The following RBPJ variants were observed in gnomAD, a reference collection of about 807,000 sequenced individuals.
RBPJ encodes the protein recombining binding protein suppressor of hairless.
A neutral mutation model predicts 67.8 loss-of-function variants in RBPJ; 9 were observed. That is an observed-to-expected ratio of 0.13 (90% CI 0.08 to 0.23). RBPJ has a LOEUF of 0.23. Ranked by LOEUF, RBPJ falls within the 10% of genes least tolerant of loss-of-function variation. The pLI, the probability that RBPJ is intolerant of heterozygous loss-of-function variation, is 1.00. For missense variants in RBPJ, 305 were observed against 595.6 expected, an observed-to-expected ratio of 0.51 and a Z score of 5.08; for synonymous variants, 198 against 203.3, an observed-to-expected ratio of 0.97 and a Z score of 0.22.
Position 26,432,626 on chromosome 4 carries a change from A to G in RBPJ, c.*1619A>G, listed in dbSNP as rs1736340607. 1.3e-5 allele frequency: 2 copies of G among 152,210 alleles called. No homozygotes were observed. Among genetic ancestry groups the G allele is most frequent in the South Asian group, 4.1e-4 (2 of 4,830 alleles). The allele number at this position is 152,210 out of a possible 1,614,324, so 9.4% of individuals were successfully genotyped here. On this transcript the variant is annotated 3_prime_UTR_variant, in exon 11 of 11. Coordinates refer to ENST00000355476, the MANE Select transcript of RBPJ (RefSeq NM_015874.6). ...GAAATTGCAGCAGACTCATTGGGCT[A>G]CATTTAGTACAGGAACCACGTGTGT...
In RBPJ at chr4:26,433,068, C is replaced by G. The variant is rs1229083249; in HGVS notation, c.*2061C>G. ...TTACTGCAAGCCTTTTTAATCACCC[C>G]CAGGCTGCATTTTATTCTATATCGC... On this transcript the variant is annotated 3_prime_UTR_variant, in exon 11 of 11. Transcript: ENST00000355476. The G allele has an allele frequency of 6.6e-6, 1 of 152,136 alleles. No homozygotes were observed. The highest frequency in any genetic ancestry group is 1.5e-5 in the Non-Finnish European group (1 of 68,028). 9.4% of individuals were successfully genotyped at this position (152,136 alleles called of 1,614,324 possible).
intron 1 of RBPJ, among the ~76,000 whole-genome samples, chr4:26,339,362 C>T (rs547528642): frequency 1.5e-4 from 22 of 151,722 alleles, no homozygotes; most frequent in African/African-American, 4.6e-4. Context: ...GTTAACAGTC[C>T]GGGGTTCATG....
At chr4:26,319,811 C>T, upstream of RBPJ, 2 of 1,457,570 alleles carry the variant, frequency 1.4e-6, no homozygotes. Context: ...TTTTGGGGCT[C>T]CCTGCGGGAG....
At chr4:26,113,344 A>G in the RBPJ span, 1 of 543,816 alleles carries the variant, frequency 1.8e-6, no homozygotes, top group Non-Finnish European at 3.6e-6. Context: ...AATGTGGGAA[A>G]ACCTTGTGGG....
At chr4:26,293,520 C>T (rs1460302565) in intron 1 of RBPJ, among the ~76,000 whole-genome samples, 1 of 150,058 alleles carries the variant, frequency 6.7e-6, no homozygotes, top group Non-Finnish European at 1.5e-5. Context: ...CCTAAAGTCT[C>T]AGCTACTTGG....
intron 1 of RBPJ, among the ~76,000 whole-genome samples, chr4:26,375,175 G>A (rs1729578144): frequency 6.6e-6 from 1 of 151,650 alleles, no homozygotes; most frequent in African/African-American, 2.4e-5. Context: ...ATGGTGGCTC[G>A]CACCTGTGGT....
chr4:26,143,440 T>C, the RBPJ span, among the ~76,000 whole-genome samples: 1 of 152,354 alleles, frequency 6.6e-6, no homozygotes, highest in East Asian at 1.9e-4. Context: ...GTGTTACTTG[T>C]AGTGGAGCCA....
intron 1 of RBPJ, among the ~76,000 whole-genome samples, chr4:26,386,014 T>C (rs1271850412): frequency 6.6e-6 from 1 of 152,128 alleles, no homozygotes; most frequent in East Asian, 1.9e-4. Flanking sequence ...AACGAATGTA[T>C]AGCATAGTGC....
At chr4:26,283,793 T>C (rs1045889108) in intron 1 of RBPJ, among the ~76,000 whole-genome samples, 5 of 151,970 alleles carry the variant, frequency 3.3e-5, no homozygotes, top group Non-Finnish European at 5.9e-5. Flanking sequence ...ACTACAGGCA[T>C]GTGTCACCAT....
At chr4:26,217,530 C>T (rs148685198) in intron 1 of RBPJ, among the ~76,000 whole-genome samples, 213 of 152,174 alleles carry the variant, frequency 1.4e-3, no homozygotes, top group African/African-American at 4.4e-3. Context: ...AGCCCAATTA[C>T]GTTTCTAGAA....
chr4:26,148,283 A>T, the RBPJ span, among the ~76,000 whole-genome samples: 1 of 152,134 alleles, frequency 6.6e-6, no homozygotes, highest in Non-Finnish European at 1.5e-5. Flanking sequence ...TCCAGTGAGC[A>T]TTCAAAGTTC....
At chr4:26,114,478 C>CATATATATATATATATATATATAT in the RBPJ span, among the ~76,000 whole-genome samples, 103 of 123,084 alleles carry the variant, frequency 8.4e-4, 1 homozygote, top group Non-Finnish European at 1.0e-3. Flanking sequence ...AAAGAATGTA[C>CATATATATATATATATATATATAT]ATATATATAT....
intron 1 of RBPJ, chr4:26,321,871 G>A (rs560405489): frequency 3.3e-5 from 5 of 152,260 alleles, no homozygotes; most frequent in Admixed American, 3.3e-4. Context: ...AAGACTCTAC[G>A]GTTTGTTGTT....
chr4:26,210,814 CCT>C (rs1718394607), intron 1 of RBPJ, among the ~76,000 whole-genome samples: 1 of 52,402 alleles, frequency 1.9e-5, no homozygotes, highest in Non-Finnish European at 3.7e-5. Context: ...TTTCTTTTCT[CCT>C]GTGTGTCTGG....
At chr4:26,209,907 A>G (rs1302928456) in intron 1 of RBPJ, among the ~76,000 whole-genome samples, 2 of 141,254 alleles carry the variant, frequency 1.4e-5, no homozygotes, top group Non-Finnish European at 3.0e-5. Flanking sequence ...CCATTCCCTC[A>G]CCTCCTTTCC....
chr4:26,383,584 G>A (rs887028002), intron 1 of RBPJ, among the ~76,000 whole-genome samples: 1 of 152,106 alleles, frequency 6.6e-6, no homozygotes, highest in Non-Finnish European at 1.5e-5. Context: ...ATTCACATAT[G>A]TATAAATATC....
At chr4:26,260,980 A>T (rs1287379950) in intron 1 of RBPJ, among the ~76,000 whole-genome samples, 1 of 152,202 alleles carries the variant, frequency 6.6e-6, no homozygotes. Context: ...AGGGCAAAGA[A>T]CATGACCAAT....
intron 1 of RBPJ, among the ~76,000 whole-genome samples, chr4:26,308,095 T>G (rs1054837048): frequency 3.3e-5 from 5 of 152,076 alleles, no homozygotes; most frequent in Non-Finnish European, 4.4e-5. Flanking sequence ...GCTAACATGG[T>G]GAAACCCCGT....
chr4:26,170,115 A>G (rs542596902), intron 1 of RBPJ, among the ~76,000 whole-genome samples: 1 of 152,208 alleles, frequency 6.6e-6, no homozygotes, highest in Admixed American at 6.5e-5. Flanking sequence ...CTCCCTAGTG[A>G]GATGAACCCG....
Sources: gnomAD v4.1 joint callset for allele counts (sites outside exome capture counted in the v4.1 genomes callset) on GRCh38, gnomAD v4.1.1 for gene constraint, MANE v1.5 for transcripts, NCBI Gene and HGNC (gene_info 2026-07-23, HGNC 2026-07-21) for gene names.